Variants in ELMO2 observed in about 807,000 individuals in gnomAD.
ELMO2 encodes engulfment and cell motility 2.
In ELMO2, 37 loss-of-function variants were observed where a neutral mutation model predicts 96.2. The ratio of observed to expected loss-of-function variants is 0.38; its 90% confidence interval spans 0.30 to 0.51. The LOEUF is 0.51. Ranked by LOEUF, ELMO2 falls within the 20% of genes least tolerant of loss-of-function variation. ELMO2 has a pLI of 0.88. For synonymous variants in ELMO2, 315 were observed against 329.4 expected (o/e 0.96, Z 0.47); for missense variants, 561 against 912.6 (o/e 0.61, Z 4.96).
intron 1 of ELMO2, among the ~76,000 whole-genome samples, chr20:46,399,496 T>A (rs1252328993): frequency 2.0e-5 from 3 of 152,220 alleles, no homozygotes; most frequent in Non-Finnish European, 4.4e-5. Context: ...TGTACTAGTC[T>A]TAGCTTTCTC....
intron 15 of ELMO2, among the ~76,000 whole-genome samples, chr20:46,374,104 T>G (rs924374272): frequency 4.2e-5 from 6 of 142,598 alleles, no homozygotes; most frequent in African/African-American, 7.7e-5. Flanking sequence ...TTTGGTTTTT[T>G]TTTTTTTTTT....
rs530772839 is a variant in ELMO2 at position 46,403,263 on chromosome 20, G to T, written c.-126+3285C>A. Among the ~76,000 whole-genome samples, 1,447 of 152,344 alleles carry T rather than the reference G, an allele frequency of 9.5e-3. 20 individuals are homozygous for T. Among genetic ancestry groups the T allele is most frequent in the African/African-American group, 0.033 (1,351 of 41,560 alleles). On this transcript the variant is annotated intron_variant, in intron 1 of 21. Transcript: ENST00000290246. Reference sequence around the variant, plus strand: ...TACAAAAGGCAAAGCATTTGTTGGTGTTCCACTATTATTATTACTATTTCC... The same window carrying T: ...TACAAAAGGCAAAGCATTTGTTGGTTTTCCACTATTATTATTACTATTTCC...
intron 6 of ELMO2, among the ~76,000 whole-genome samples, chr20:46,390,296 T>C (rs2060129817): frequency 6.7e-6 from 1 of 148,308 alleles, no homozygotes; most frequent in Admixed American, 6.6e-5. Flanking sequence ...GTAGAAGGGA[T>C]TCTTGCATTG....
At chr20:46,395,164 A>G (rs1018922584) in intron 2 of ELMO2, among the ~76,000 whole-genome samples, 1 of 152,182 alleles carries the variant, frequency 6.6e-6, no homozygotes, top group African/African-American at 2.4e-5. Flanking sequence ...ACTCAAGTGG[A>G]GAGAGGTAAG....
At chr20:46,387,771 T>G in intron 7 of ELMO2, 1 of 214,326 alleles carries the variant, frequency 4.7e-6, no homozygotes. Context: ...CCAACACCTG[T>G]TGGGAGAACC....
rs140516654 is a variant in ELMO2 at position 46,386,152 on chromosome 20, C to G, written c.649G>C (p.Val217Leu). 14 of 1,613,982 alleles carry G rather than the reference C, an allele frequency of 8.7e-6. No homozygotes were observed. Among genetic ancestry groups the G allele is most frequent in the Non-Finnish European group, 1.2e-5 (14 of 1,180,008 alleles). ...TGGAGGTGTGAGATGAGCTGTCCCACGGTGATTTCCTCGGCTATCTTCTGG... is the reference window on the plus strand; with the variant it reads ...TGGAGGTGTGAGATGAGCTGTCCCAGGGTGATTTCCTCGGCTATCTTCTGG... ...LYQKIAEEIT[V>L]GQLISHLQVS... Residue 217 changes from valine to leucine, a missense_variant, in exon 9 of 22, where the codon GTG becomes CTG. Val to Leu is a conservative substitution (Grantham distance 32, BLOSUM62 1). Transcript: ENST00000290246.
chr20:46,370,000 GTGTGTATC>G (rs2059668642), intron 20 of ELMO2: 2 of 330,524 alleles, frequency 6.1e-6, no homozygotes, highest in African/African-American at 4.6e-5. Context: ...GTGTGTGTGT[GTGTGTATC>G]CATATAAACA....
chr20:46,383,297 A>T, intron 10 of ELMO2, 119 bp downstream of exon 10: 1 of 1,085,706 alleles, frequency 9.2e-7, no homozygotes, highest in Non-Finnish European at 1.4e-6. Context: ...CCAGACAGCT[A>T]AGAGGAAGAA....
At chr20:46,399,100 C>G (rs917163820) in intron 1 of ELMO2, among the ~76,000 whole-genome samples, 1 of 152,222 alleles carries the variant, frequency 6.6e-6, no homozygotes, top group African/African-American at 2.4e-5. Context: ...GCAAGTGGCA[C>G]AGCCAGAATT....
rs759659077 is a variant in ELMO2 at position 46,394,094 on chromosome 20, AAG to A, written c.79-7_79-6del. 96 of 1,610,842 alleles carry A rather than the reference AAG, an allele frequency of 6.0e-5. No homozygotes were observed. Among genetic ancestry groups the A allele is most frequent in the Non-Finnish European group, 7.0e-5 (83 of 1,177,414 alleles). ...AATGGATGCCAGGGGCCGTTTCTGA[AAG>A]AGAGAGAGAGAAAGCCTTCAACAGC... On this transcript the variant is annotated splice_region_variant and splice_polypyrimidine_tract_variant and intron_variant, in intron 3 of 21. Transcript: ENST00000290246.
At chr20:46,367,610 G>A (rs756046374) in intron 21 of ELMO2, 50 bp from the exon 22 acceptor site, 42 of 1,495,944 alleles carry the variant, frequency 2.8e-5, no homozygotes, top group Non-Finnish European at 3.5e-5. Context: ...TGGTCAGCAG[G>A]AGATCCTGCC....
At chr20:46,395,848 C>A (rs1385009390) in intron 2 of ELMO2, among the ~76,000 whole-genome samples, 1 of 152,222 alleles carries the variant, frequency 6.6e-6, no homozygotes, top group Non-Finnish European at 1.5e-5. Flanking sequence ...TGTGTCCTCC[C>A]AGCAGCCCCA....
Position 46,366,843 on chromosome 20 carries a change from G to A in ELMO2, c.*517C>T, listed in dbSNP as rs1313483471. 1 of 152,792 alleles carries A rather than the reference G, an allele frequency of 6.5e-6. No homozygotes were observed. Among genetic ancestry groups the A allele is most frequent in the African/African-American group, 2.4e-5 (1 of 41,450 alleles). The allele number at this position is 152,792 out of a possible 1,614,324, so 9.5% of individuals were successfully genotyped here. On this transcript the variant is annotated 3_prime_UTR_variant, in exon 22 of 22. Transcript: ENST00000290246. ...AAGCAGCAACGTCTTGGCACCATAT[G>A]AAGCTGGAGTGAGCCCTCATCAAAA... is the stretch of plus-strand genomic sequence containing the variant.
chr20:46,393,035 T>TA, intron 6 of ELMO2, 58 bp downstream of exon 6: 3 of 1,455,818 alleles, frequency 2.1e-6, no homozygotes, highest in Non-Finnish European at 2.9e-6. Context: ...TGGCCCATGG[T>TA]AGGTGCTCAT....
rs1419130390 is a variant in ELMO2 at position 46,393,392 on chromosome 20, C to T, written c.192+137G>A. On this transcript the variant is annotated intron_variant, in intron 5 of 21. Transcript: ENST00000290246. ...GGGAAGAACAAGGGCTGGTGTTTCC[C>T]AGTCTGTCCGGAGAGTGACTCTTTA... The T allele has an allele frequency of 7.6e-6, 8 of 1,058,808 alleles. No homozygotes were observed. The Admixed American group carries it at 1.7e-4, about 22-fold the overall frequency. 65.6% of individuals were successfully genotyped at this position (1,058,808 alleles called of 1,614,324 possible).
intron 6 of ELMO2, among the ~76,000 whole-genome samples, chr20:46,389,951 G>A (rs1272996274): frequency 6.6e-6 from 1 of 151,994 alleles, no homozygotes; most frequent in African/African-American, 2.4e-5. Flanking sequence ...TCAGGAGTTC[G>A]AGACCAACCT....
intron 6 of ELMO2, among the ~76,000 whole-genome samples, chr20:46,389,526 CAG>C (rs2145828978): frequency 6.6e-6 from 1 of 152,278 alleles, no homozygotes; most frequent in Non-Finnish European, 1.5e-5. Flanking sequence ...CACAGAGAAA[CAG>C]ATACTGGTTT....
chr20:46,386,365 C>T (rs772678000), intron 8 of ELMO2, 90 bp from the exon 9 acceptor site: 94 of 1,526,908 alleles, frequency 6.2e-5, no homozygotes, highest in Non-Finnish European at 8.2e-5. Context: ...GAAGCTCTCT[C>T]TGCTTCACAT....
At chr20:46,385,180 A>G (rs1000911893) in intron 9 of ELMO2, among the ~76,000 whole-genome samples, 1 of 152,222 alleles carries the variant, frequency 6.6e-6, no homozygotes, top group African/African-American at 2.4e-5. Flanking sequence ...GACAATGTCT[A>G]AAAAACAGAA....
Sources: gnomAD v4.1 joint callset for allele counts (sites outside exome capture counted in the v4.1 genomes callset) on GRCh38, gnomAD v4.1.1 for gene constraint, MANE v1.5 for transcripts, NCBI Gene and HGNC (gene_info 2026-07-23, HGNC 2026-07-21) for gene names.